Variants in BLM observed in about 807,000 individuals in gnomAD.
BLM encodes the protein BLM RecQ like helicase.
In BLM, 95 loss-of-function variants were observed where a neutral mutation model predicts 135.3. The ratio of observed to expected loss-of-function variants is 0.70; its 90% CI spans 0.59 to 0.83. The LOEUF is 0.83. Ranked by LOEUF, BLM falls within the 40% of genes least tolerant of loss-of-function variation. The pLI is 0.00. For missense variants in BLM, 1,518 were observed against 1,663.9 expected, an observed-to-expected ratio of 0.91 and a Z score of 1.53; for synonymous variants, 520 against 589.2, an observed-to-expected ratio of 0.88 and a Z score of 1.70.
intron 1 of BLM, among the ~76,000 whole-genome samples, chr15:90,725,278 A>G (rs545749022): frequency 2.0e-5 from 3 of 152,090 alleles, no homozygotes; most frequent in Non-Finnish European, 2.9e-5. Flanking sequence ...TTACCTTACT[A>G]TGTAATACTA....
At chr15:90,798,377 A>G in intron 17 of BLM, 40 bp downstream of exon 17, 4 of 1,591,316 alleles carry the variant, frequency 2.5e-6, no homozygotes, top group Non-Finnish European at 3.4e-6. Context: ...ACTTCAATTG[A>G]AATTGAACAT....
intron 12 of BLM, among the ~76,000 whole-genome samples, chr15:90,773,915 G>GT (rs1896397921): frequency 6.6e-6 from 1 of 151,812 alleles, no homozygotes; most frequent in Admixed American, 6.6e-5. Flanking sequence ...CAGTGTTTTG[G>GT]TTTTTTTGAA....
chr15:90,753,902 A>G (rs532909617), intron 4 of BLM, among the ~76,000 whole-genome samples: 1 of 152,374 alleles, frequency 6.6e-6, no homozygotes, highest in South Asian at 2.1e-4. Flanking sequence ...AACAATCTAG[A>G]AAGCATATCA....
At position 90,801,392 on chromosome 15, in the gene BLM, G is replaced by A. The variant is rs190189589; in HGVS notation, c.3359-2129G>A. On this transcript the variant is annotated intron_variant, in intron 17 of 21. Coordinates refer to ENST00000355112, the MANE Select transcript of BLM (RefSeq NM_000057.4). ...ATGATATAAAAGTAAAAGTACAATC[G>A]CTAAAAGTAAAAGAAGGCATACAGG... 2.0e-5 allele frequency among the ~76,000 whole-genome samples: 3 copies of A among 152,186 alleles called. No individual in the cohort carries two copies. In the East Asian group the frequency reaches 5.8e-4, roughly 29 times the overall value.
chr15:90,799,036 G>C (rs112354618), intron 17 of BLM, among the ~76,000 whole-genome samples: 15,956 of 150,064 alleles, frequency 0.11, 1,683 homozygotes, highest in African/African-American at 0.26. Flanking sequence ...GTGGTGGTGG[G>C]CACCTGTAAT....
chr15:90,759,301 C>A (rs567805105), intron 5 of BLM, among the ~76,000 whole-genome samples: 1 of 152,100 alleles, frequency 6.6e-6, no homozygotes, highest in Admixed American at 6.5e-5. Context: ...GTGGCTCACA[C>A]CTGTAATCCT....
At position 90,750,035 on chromosome 15, in the gene BLM, ACT is replaced by A. The variant is rs367543013; in HGVS notation, c.772_773del (p.Leu258GlufsTer7). 23 of 1,613,978 alleles carry A rather than the reference ACT, an allele frequency of 1.4e-5. No individual in the cohort carries two copies. Among genetic ancestry groups the A allele is most frequent in the African/African-American group, 1.1e-4 (8 of 74,890 alleles). ...ATAAATGAAGATGCTCAGGAAAGTG[ACT>A]CTCTGAAAACTCATTTGGAAGATGA... On this transcript the variant is annotated frameshift_variant, in exon 3 of 22. Coordinates refer to ENST00000355112, the MANE Select transcript of BLM (RefSeq NM_000057.4). LOFTEE classifies it high-confidence loss of function.
chr15:90,721,488 G>A lies in BLM; in HGVS notation c.-5+4048G>A, dbSNP rs1012525535. 1.2e-3 allele frequency among the ~76,000 whole-genome samples: 181 copies of A among 151,314 alleles called. 6 individuals are homozygous for A. The highest frequency in any genetic ancestry group is 2.6e-4 in the Admixed American group (4 of 15,166). On this transcript the variant is annotated intron_variant, in intron 1 of 21. Coordinates refer to ENST00000355112, the MANE Select transcript of BLM (RefSeq NM_000057.4). ...ATTACAGGCACCCGCCACCACGCCC[G>A]GCTAATTTTTGTATTTTTGGTACAG...
At chr15:90,814,577 G>C (rs890567944) in intron 21 of BLM, among the ~76,000 whole-genome samples, 2 of 152,116 alleles carry the variant, frequency 1.3e-5, no homozygotes, top group African/African-American at 4.8e-5. Flanking sequence ...GGGCTTCCTG[G>C]GGCTGGCCAG....
At chr15:90,755,105 G>T in intron 5 of BLM, 167 bp downstream of exon 5, 1 of 831,296 alleles carries the variant, frequency 1.2e-6, no homozygotes, top group East Asian at 2.7e-5. Flanking sequence ...GCCAGCATTT[G>T]CCTGAACAAC....
chr15:90,769,296 A>G lies in BLM; in HGVS notation c.2406+65A>G, dbSNP rs1038416692. ...CATACTACCAACAATATATGTATTT[A>G]CTGAATAAAAACCCACACTGAGTGA... On this transcript the variant is annotated intron_variant, in intron 11 of 21. Coordinates refer to ENST00000355112, the MANE Select transcript of BLM (RefSeq NM_000057.4). 3.2e-6 allele frequency: 5 copies of G among 1,542,328 alleles called. 1 individual carries two copies. Among genetic ancestry groups the G allele is most frequent in the Admixed American group, 3.3e-5 (2 of 59,918 alleles).
At chr15:90,778,504 A>G (rs1179368498) in intron 12 of BLM, among the ~76,000 whole-genome samples, 2 of 152,162 alleles carry the variant, frequency 1.3e-5, no homozygotes, top group African/African-American at 2.4e-5. Flanking sequence ...ACCCATGCCC[A>G]TTGCAGTTCA....
chr15:90,747,895 C>T (rs1488206907), intron 2 of BLM, among the ~76,000 whole-genome samples: 1 of 151,896 alleles, frequency 6.6e-6, no homozygotes. Flanking sequence ...GCAAGCTCCG[C>T]CTCCTGGGTT....
rs562324499 is a variant in BLM at position 90,804,680 on chromosome 15, G to A, written c.3751+321G>A. ...GAGTTTCACCATGTTGCCCAGTCTG[G>A]TCTCGAACTCTTGGCTTCAAGCAAT... On this transcript the variant is annotated intron_variant, in intron 19 of 21. Coordinates refer to ENST00000355112, the MANE Select transcript of BLM (RefSeq NM_000057.4). Among the ~76,000 whole-genome samples, 64 of 152,124 alleles carry A rather than the reference G, an allele frequency of 4.2e-4. 1 individual carries two copies. Among genetic ancestry groups the A allele is most frequent in the South Asian group, 4.1e-3 (20 of 4,824 alleles).
At chr15:90,783,446 G>A (rs952994725) in intron 13 of BLM, among the ~76,000 whole-genome samples, 2 of 152,006 alleles carry the variant, frequency 1.3e-5, no homozygotes, top group Non-Finnish European at 2.9e-5. Context: ...TGATTTCCCC[G>A]CTCAGACTCA....
chr15:90,784,585 C>T (rs537366386), intron 13 of BLM, among the ~76,000 whole-genome samples: 1 of 151,836 alleles, frequency 6.6e-6, no homozygotes, highest in Non-Finnish European at 1.5e-5. Flanking sequence ...ATCTGCCCTC[C>T]TTGGCCTCCC....
At chr15:90,792,409 A>G (rs1896927914) in intron 15 of BLM, among the ~76,000 whole-genome samples, 1 of 152,096 alleles carries the variant, frequency 6.6e-6, no homozygotes, top group African/African-American at 2.4e-5. Flanking sequence ...CCCAGCCGAG[A>G]CCACTTTTAA....
At chr15:90,784,387 C>T (rs1482020717) in intron 13 of BLM, among the ~76,000 whole-genome samples, 4 of 125,928 alleles carry the variant, frequency 3.2e-5, no homozygotes, top group East Asian at 2.4e-4. Flanking sequence ...GGCAGGAGTG[C>T]GGTGGTGCGA....
intron 21 of BLM, among the ~76,000 whole-genome samples, chr15:90,814,420 A>C (rs28363370): frequency 1.3e-5 from 2 of 152,274 alleles, no homozygotes; most frequent in Non-Finnish European, 2.9e-5. Context: ...TGCTGGAAGG[A>C]CTTGGTAATC....
Sources: allele counts gnomAD v4.1 joint callset (sites outside exome capture counted in the v4.1 genomes callset), GRCh38; gene constraint gnomAD v4.1.1; transcripts MANE v1.5; gene names NCBI Gene and HGNC (gene_info 2026-07-23, HGNC 2026-07-21).